Variants in RDX observed in about 807,000 individuals in gnomAD.
RDX encodes deafness, autosomal recessive 24.
In RDX, 32 loss-of-function variants were observed where a neutral mutation model predicts 83.7. The ratio of observed to expected loss-of-function variants is 0.38; its 90% CI spans 0.29 to 0.51. The LOEUF (loss-of-function observed/expected upper bound fraction) is 0.51. Among genes scored for constraint, RDX ranks in the 20% least tolerant of loss-of-function variants. RDX has a pLI of 0.87. For missense variants in RDX, 600 were observed against 689.9 expected, an observed-to-expected ratio of 0.87 and a Z score of 1.46; for synonymous variants, 229 against 222.7, an observed-to-expected ratio of 1.03 and a Z score of -0.25.
intron 15 of RDX, among the ~76,000 whole-genome samples, chr11:110,197,618 A>G (rs561410009): frequency 2.0e-5 from 3 of 152,352 alleles, no homozygotes; most frequent in Non-Finnish European, 4.4e-5. Flanking sequence ...ACATTAACAG[A>G]TGAAAATCAA....
At chr11:110,254,220 A>T (rs143219233) in intron 8 of RDX, 111 bp from the exon 9 acceptor site, 5 of 856,572 alleles carry the variant, frequency 5.8e-6, no homozygotes, top group Non-Finnish European at 9.2e-6. Flanking sequence ...TATTACATAT[A>T]GTTTAGAAAT....
At chr11:110,263,698 G>A (rs1320080419) in intron 5 of RDX, among the ~76,000 whole-genome samples, 6 of 151,362 alleles carry the variant, frequency 4.0e-5, no homozygotes, top group Admixed American at 1.3e-4. Flanking sequence ...CCATCTCAAT[G>A]AAAAATACAT....
In RDX at chr11:110,230,998, CTTTTTT is replaced by C. The variant is rs1396735091; in HGVS notation, c.*865_*870del. The C allele has an allele frequency of 1.3e-5, 2 of 152,416 alleles. No homozygotes were observed. Among genetic ancestry groups the C allele is most frequent in the African/African-American group, 4.8e-5 (2 of 41,382 alleles). The allele number at this position is 152,416 out of a possible 1,614,324, so 9.4% of individuals were successfully genotyped here. On this transcript the variant is annotated 3_prime_UTR_variant, in exon 14 of 14. Coordinates refer to ENST00000645495, the MANE Select transcript of RDX (RefSeq NM_002906.4). ...TTAGTTACCAACAAATGTATATTTT[CTTTTTT>C]TAACTAATCATTTGTTTTTCTAAAT...
rs1864550823 is a variant in RDX at position 110,229,713 on chromosome 11, A to T, written c.*2156T>A. The T allele has an allele frequency of 6.6e-6, 1 of 152,520 alleles. No homozygotes were observed. Among genetic ancestry groups the T allele is most frequent in the South Asian group, 2.1e-4 (1 of 4,832 alleles). The allele number at this position is 152,520 out of a possible 1,614,324, so 9.4% of individuals were successfully genotyped here. A position where few individuals can be genotyped will look rare whatever the true frequency, so the allele number is the denominator to read the frequency against. ...TCACACAGCCTTAAAAATGGATTAA[A>T]TCCATTTTAATCCTAATCTACAAAT... On this transcript the variant is annotated 3_prime_UTR_variant, in exon 14 of 14. Coordinates refer to ENST00000645495, the MANE Select transcript of RDX (RefSeq NM_002906.4).
At position 110,231,341 on chromosome 11, in the gene RDX, AG is replaced by A. The variant is rs1864627423; in HGVS notation, c.*527del. 6.1e-6 allele frequency: 1 copy of A among 163,362 alleles called. No homozygotes were observed. Among genetic ancestry groups the A allele is most frequent in the African/African-American group, 2.5e-5 (1 of 40,504 alleles). The allele number at this position is 163,362 out of a possible 1,614,324, so 10.1% of individuals were successfully genotyped here. On this transcript the variant is annotated 3_prime_UTR_variant, in exon 14 of 14. Coordinates refer to ENST00000645495, the MANE Select transcript of RDX (RefSeq NM_002906.4). ...TAGCCATATTCTACATGATGATCAAAGACTGTCCACTGTGCTACCTACCATC... is the reference window on the plus strand; with the variant it reads ...TAGCCATATTCTACATGATGATCAAAACTGTCCACTGTGCTACCTACCATC...
intron 14 of RDX, among the ~76,000 whole-genome samples, chr11:110,202,211 A>G (rs897411626): frequency 1.1e-4 from 17 of 151,658 alleles, no homozygotes; most frequent in African/African-American, 3.4e-4. Context: ...CCTGGCCAAC[A>G]TGGGGAAACG....
intron 14 of RDX, among the ~76,000 whole-genome samples, chr11:110,209,671 T>TCCGTGAC (rs1171485501): frequency 1.4e-5 from 2 of 147,076 alleles, no homozygotes; most frequent in African/African-American, 5.0e-5. Context: ...CTCAAGTGGG[T>TCCGTGAC]CCCTGACCCC....
rs1459866793 is a variant in RDX at position 110,229,832 on chromosome 11, T to C, written c.*2037A>G. The C allele has an allele frequency of 6.6e-6, 1 of 152,454 alleles. No individual in the cohort carries two copies. The highest frequency in any genetic ancestry group is 1.5e-5 in the Non-Finnish European group (1 of 67,920). The allele number at this position is 152,454 out of a possible 1,614,324, so 9.4% of individuals were successfully genotyped here. On this transcript the variant is annotated 3_prime_UTR_variant, in exon 14 of 14. Coordinates refer to ENST00000645495, the MANE Select transcript of RDX (RefSeq NM_002906.4). ...TGCACATAATTCAAAATGAGGAAAATTAACAAAAATCCAATGAAAGTTCAG... is the reference window on the plus strand; with the variant it reads ...TGCACATAATTCAAAATGAGGAAAACTAACAAAAATCCAATGAAAGTTCAG...
rs552985915 is a variant in RDX, at chr11:110,250,235, C to T, written c.960-2402G>A. Among the ~76,000 whole-genome samples the T allele has an allele frequency of 4.5e-4, 69 of 152,318 alleles. 1 individual carries two copies. The South Asian group carries it at 0.013, about 28-fold the overall frequency. ...TTCTGTGTTCTTTAGATAGCTGAAA[C>T]ATCACGCTTTGTGTGAAAGCAAAAG... On this transcript the variant is annotated intron_variant, in intron 9 of 13. Transcript: ENST00000645495.
At chr11:110,224,007 A>C (rs1265036721) in intron 14 of RDX, among the ~76,000 whole-genome samples, 2 of 152,106 alleles carry the variant, frequency 1.3e-5, no homozygotes, top group Admixed American at 1.3e-4. Context: ...CCTGGGCAAC[A>C]AGAGTGAAAC....
chr11:110,265,516 AT>A (rs1408251355), intron 3 of RDX, among the ~76,000 whole-genome samples: 34 of 151,494 alleles, frequency 2.2e-4, no homozygotes, highest in Non-Finnish European at 5.9e-5. Context: ...ATATATATAT[AT>A]ATAGTTTTCA....
At chr11:110,258,007 A>G (rs1859615786) in intron 6 of RDX, 94 bp from the exon 7 acceptor site, 1 of 1,472,328 alleles carries the variant, frequency 6.8e-7, no homozygotes. Context: ...TACTTTACAT[A>G]AGTCAAACAA....
At chr11:110,295,653 A>AAC (rs1861422032) in intron 1 of RDX, among the ~76,000 whole-genome samples, 2 of 150,856 alleles carry the variant, frequency 1.3e-5, no homozygotes, top group African/African-American at 4.9e-5. Flanking sequence ...AAAAAAAAAA[A>AAC]AAAACAAAAA....
At chr11:110,240,182 T>C (rs970908339) in intron 10 of RDX, among the ~76,000 whole-genome samples, 3 of 152,186 alleles carry the variant, frequency 2.0e-5, no homozygotes, top group African/African-American at 7.2e-5. Flanking sequence ...GTGGTATACA[T>C]ACACTATGGA....
At chr11:110,232,057 A>G in intron 13 of RDX, 24 bp from the exon 14 acceptor site, 1 of 1,570,894 alleles carries the variant, frequency 6.4e-7, no homozygotes, top group Non-Finnish European at 8.7e-7. Context: ...AAAAAGTACA[A>G]CTATTATTTT....
chr11:110,203,650 CT>C (rs1863496782), intron 14 of RDX, among the ~76,000 whole-genome samples: 2 of 151,852 alleles, frequency 1.3e-5, no homozygotes, highest in African/African-American at 4.8e-5. Flanking sequence ...TAAATATATA[CT>C]TATGTGCCCA....
In RDX at chr11:110,233,382, G is replaced by A; in HGVS notation, c.1442C>T (p.Pro481Leu). The change falls in exon 13 of 14, where the codon CCA (proline) becomes CTA (leucine). Residue 481 changes from proline to leucine, a missense_variant. Transcript: ENST00000645495. The stretch of plus-strand genomic sequence containing the variant: ...GTGTTCATCATGTTCGTTTTCTGTT[G>A]GAGGAATGACTGGTGGTGGTGGAGG... Reference protein sequence around the residue: ...PPPPPPPVIPPTENEHDEHDE... With the variant: ...PPPPPPPVIPLTENEHDEHDE... 6.2e-7 allele frequency: 1 copy of A among 1,614,094 alleles called. No individual in the cohort carries two copies. The highest frequency in any genetic ancestry group is 8.5e-7 in the Non-Finnish European group (1 of 1,180,022).
intron 10 of RDX, among the ~76,000 whole-genome samples, chr11:110,244,534 C>G (rs1368796211): frequency 6.6e-6 from 1 of 151,994 alleles, no homozygotes; most frequent in Non-Finnish European, 1.5e-5. Flanking sequence ...GAGAAAGATT[C>G]GTGGTTGTCT....
At chr11:110,205,559 T>C (rs906658204) in intron 14 of RDX, among the ~76,000 whole-genome samples, 2 of 151,526 alleles carry the variant, frequency 1.3e-5, no homozygotes, top group Non-Finnish European at 2.9e-5. Context: ...TTATCTGAAT[T>C]AACTGGATCA....
Sources: gnomAD v4.1 joint callset for allele counts (sites outside exome capture counted in the v4.1 genomes callset) on GRCh38, gnomAD v4.1.1 for gene constraint, MANE v1.5 for transcripts, NCBI Gene and HGNC (gene_info 2026-07-23, HGNC 2026-07-21) for gene names.